The following MAGI2 variants were observed in gnomAD, a reference collection of about 807,000 sequenced individuals.
The protein encoded by MAGI2 is membrane associated guanylate kinase, WW and PDZ domain containing 2, also known as membrane-associated guanylate kinase, WW and PDZ domain-containing protein 2.
A neutral mutation model predicts 133.3 loss-of-function variants in MAGI2; 35 were observed. The ratio of observed to expected loss-of-function variants is 0.26; its 90% CI spans 0.20 to 0.35. The LOEUF (loss-of-function observed/expected upper bound fraction) is 0.35, where lower values mean the gene tolerates loss of function less well. Among genes scored for constraint, MAGI2 ranks in the 10% least tolerant of loss-of-function variants. MAGI2 has a pLI of 1.00. For missense variants in MAGI2, 1,636 were observed against 1,863.4 expected (o/e 0.88, Z 2.25); for synonymous variants, 729 against 710.6 (o/e 1.03, Z -0.41).
At chr7:79,075,824 C>T (rs777818767) in intron 1 of MAGI2, among the ~76,000 whole-genome samples, 68 of 152,094 alleles carry the variant, frequency 4.5e-4, no homozygotes, top group Non-Finnish European at 2.9e-4. Context: ...TCAGGGAAAA[C>T]ACAACTATTT....
chr7:79,428,304 T>C (rs1847536730), intron 1 of MAGI2, among the ~76,000 whole-genome samples: 1 of 152,142 alleles, frequency 6.6e-6, no homozygotes, highest in Non-Finnish European at 1.5e-5. Flanking sequence ...AAATAATAAA[T>C]ATTGTCTTCA....
At chr7:79,314,776 A>T (rs908821265) in intron 1 of MAGI2, among the ~76,000 whole-genome samples, 2 of 152,164 alleles carry the variant, frequency 1.3e-5, no homozygotes, top group Non-Finnish European at 2.9e-5. Context: ...TGTGACTTTT[A>T]TTGGGACATA....
In MAGI2 at chr7:78,097,933, A is replaced by G. The variant is rs117133339; in HGVS notation, c.3568-18848T>C. ...ATAGACCTGTGGGTAGGGTGTATGTAGCTCACATGACTTTTTAAGAACCCT... is the reference window on the plus strand; with the variant it reads ...ATAGACCTGTGGGTAGGGTGTATGTGGCTCACATGACTTTTTAAGAACCCT... On this transcript the variant is annotated intron_variant, in intron 20 of 21. Transcript: ENST00000354212. Among the ~76,000 whole-genome samples, 26 of 152,306 alleles carry G rather than the reference A, an allele frequency of 1.7e-4. 1 individual carries two copies. In the East Asian group the frequency reaches 5.0e-3, roughly 29 times the overall value.
rs537492608 is a variant in MAGI2, at chr7:79,003,370, T to C, written c.418+3720A>G. Among the ~76,000 whole-genome samples the C allele has an allele frequency of 2.0e-5, 3 of 152,324 alleles. No homozygotes were observed. In the South Asian group the frequency reaches 6.2e-4, roughly 32 times the overall value. On this transcript the variant is annotated intron_variant, in intron 2 of 21. Coordinates refer to ENST00000354212, the MANE Select transcript of MAGI2 (RefSeq NM_012301.4). ...TTAGGTCTTGTTTTGTGAAAAAAAT[T>C]TATTTACTCTTATATAGTTATAAGT...
chr7:78,746,813 C>T (rs548082025), intron 2 of MAGI2, among the ~76,000 whole-genome samples: 128 of 152,218 alleles, frequency 8.4e-4, no homozygotes, highest in African/African-American at 3.0e-3. Flanking sequence ...TTATGTGCTT[C>T]CCACCCCCAA....
intron 1 of MAGI2, among the ~76,000 whole-genome samples, chr7:79,346,393 G>A (rs1841315876): frequency 6.6e-6 from 1 of 151,962 alleles, no homozygotes; most frequent in South Asian, 2.1e-4. Context: ...ACTTTACCAT[G>A]AGTTTTTCCC....
rs192928618 is a variant in MAGI2, at chr7:79,305,499, C to T, written c.301+147521G>A. On this transcript the variant is annotated intron_variant, in intron 1 of 21. Coordinates refer to ENST00000354212, the MANE Select transcript of MAGI2 (RefSeq NM_012301.4). ...TCACAATGTTTATCTATTCTTATCT[C>T]TTTGATGTTAATTACTACATTATGT... Among the ~76,000 whole-genome samples, 1,106 of 152,262 alleles carry T rather than the reference C, an allele frequency of 7.3e-3. 11 individuals carry two copies. The highest frequency in any genetic ancestry group is 0.023 in the Admixed American group (355 of 15,286).
rs202229215 is a variant in MAGI2, at chr7:78,990,903, CAT to C, written c.418+16185_418+16186del. On this transcript the variant is annotated intron_variant, in intron 2 of 21. Coordinates refer to ENST00000354212, the MANE Select transcript of MAGI2 (RefSeq NM_012301.4). ...ACTGAAATAAGAGATTTTATATGTA[CAT>C]ACACACACACACACACACACACACA... is the stretch of plus-strand genomic sequence containing the variant. Among the ~76,000 whole-genome samples, 44 of 116,604 alleles carry C rather than the reference CAT, an allele frequency of 3.8e-4. No homozygotes were observed. In the East Asian group the frequency reaches 6.4e-3, roughly 17 times the overall value. 76.5% of individuals were successfully genotyped at this position (116,604 alleles called of 152,430 possible).
At chr7:78,698,234 G>C (rs1038172851) in intron 2 of MAGI2, among the ~76,000 whole-genome samples, 1 of 152,120 alleles carries the variant, frequency 6.6e-6, no homozygotes, top group African/African-American at 2.4e-5. Context: ...ATCTTCCTTT[G>C]ATATTATACT....
At position 78,545,966 on chromosome 7, in the gene MAGI2, C is replaced by T. The variant is rs141066648; in HGVS notation, c.539-24321G>A. Among the ~76,000 whole-genome samples, 336 of 152,144 alleles carry T rather than the reference C, an allele frequency of 2.2e-3. 3 individuals are homozygous for T. Among genetic ancestry groups the T allele is most frequent in the Middle Eastern group, 0.014 (4 of 292 alleles). On this transcript the variant is annotated intron_variant, in intron 3 of 21. Coordinates refer to ENST00000354212, the MANE Select transcript of MAGI2 (RefSeq NM_012301.4). ...TTCCATTCTAAAACTAAGCCAAAAA[C>T]GTTAAATAATATATTGAATATTTTC...
At chr7:78,255,796 T>G in intron 10 of MAGI2, 147 bp downstream of exon 10, 4 of 807,526 alleles carry the variant, frequency 5.0e-6, no homozygotes, top group Non-Finnish European at 7.9e-6. Context: ...TTTCCTTTAA[T>G]TCATGTTTTT....
Position 78,274,613 on chromosome 7 carries a change from CT to C in MAGI2, c.1409-18033del, listed in dbSNP as rs34832831. Among the ~76,000 whole-genome samples the C allele has an allele frequency of 1.5e-3, 218 of 148,960 alleles. 1 individual carries two copies. The highest frequency in any genetic ancestry group is 4.9e-3 in the African/African-American group (198 of 40,618). ...TATAAGTCCCTGACTGGGGTGCTGC[CT>C]TTTTTTTTTAGAGATGCCCTGCCCA... On this transcript the variant is annotated intron_variant, in intron 9 of 21. Transcript: ENST00000354212.
At chr7:78,058,221 G>A (rs1477537148) in intron 21 of MAGI2, among the ~76,000 whole-genome samples, 1 of 151,702 alleles carries the variant, frequency 6.6e-6, no homozygotes, top group Non-Finnish European at 1.5e-5. Flanking sequence ...ATTAAAGTTG[G>A]GGTTATGAGG....
chr7:79,391,514 T>TATATATATATATATATATAGAC (rs1844623638), intron 1 of MAGI2, among the ~76,000 whole-genome samples: 15 of 46,316 alleles, frequency 3.2e-4, no homozygotes, highest in Middle Eastern at 0.01. Context: ...TAGACATATA[T>TATATATATATATATATATAGAC]ATATATATAT....
At chr7:79,272,063 AATT>A (rs1834919531) in intron 1 of MAGI2, among the ~76,000 whole-genome samples, 2 of 152,114 alleles carry the variant, frequency 1.3e-5, no homozygotes, top group Non-Finnish European at 2.9e-5. Flanking sequence ...CATTTTTATG[AATT>A]ATTATTCCTG....
intron 1 of MAGI2, among the ~76,000 whole-genome samples, chr7:79,323,172 A>C (rs1839329185): frequency 6.6e-6 from 1 of 152,090 alleles, no homozygotes; most frequent in Admixed American, 6.6e-5. Flanking sequence ...TCACTTACAC[A>C]ACAACAATTT....
chr7:78,917,247 T>C (rs1397974534), intron 2 of MAGI2, among the ~76,000 whole-genome samples: 1 of 151,702 alleles, frequency 6.6e-6, no homozygotes, highest in East Asian at 1.9e-4. Context: ...GGAAGTAGAG[T>C]AAGAGGAGTA....
intron 2 of MAGI2, among the ~76,000 whole-genome samples, chr7:79,003,082 T>C (rs1807058517): frequency 6.6e-6 from 1 of 152,036 alleles, no homozygotes; most frequent in Admixed American, 6.6e-5. Flanking sequence ...CTTCCTCCCC[T>C]GCTTAGCTCA....
chr7:78,072,923 G>C (rs1814863866), intron 21 of MAGI2: 2 of 398,616 alleles, frequency 5.0e-6, no homozygotes, highest in Admixed American at 4.4e-5. Flanking sequence ...CTCCCAAAGT[G>C]TTAGGATTAG....
Sources: gnomAD v4.1 joint callset for allele counts (sites outside exome capture counted in the v4.1 genomes callset) on GRCh38, gnomAD v4.1.1 for gene constraint, MANE v1.5 for transcripts, NCBI Gene and HGNC (gene_info 2026-07-23, HGNC 2026-07-21) for gene names.